The following DSCAML1 variants were observed in gnomAD, a reference collection of about 807,000 sequenced individuals.
The protein encoded by DSCAML1 is cell adhesion molecule DSCAML1.
DSCAML1 carries 38 observed loss-of-function variants against 200.5 expected under a neutral mutation model. That is an observed-to-expected ratio of 0.19 (90% confidence interval 0.15 to 0.25). The LOEUF (loss-of-function observed/expected upper bound fraction) is 0.25. Ranked by LOEUF, DSCAML1 falls within the 10% of genes least tolerant of loss-of-function variation. The pLI is 1.00. For missense variants in DSCAML1, 2,223 were observed against 2,858.8 expected (o/e 0.78, Z 5.07); for synonymous variants, 1,215 against 1,165.0 (o/e 1.04, Z -0.87).
intron 3 of DSCAML1, among the ~76,000 whole-genome samples, chr11:117,676,018 C>G (rs1015803073): frequency 6.6e-6 from 1 of 152,140 alleles, no homozygotes; most frequent in Admixed American, 6.5e-5. Context: ...ATAGCACTTT[C>G]GAGCTGCAGT....
intron 3 of DSCAML1, among the ~76,000 whole-genome samples, chr11:117,558,111 C>G (rs557287911): frequency 6.6e-6 from 1 of 152,034 alleles, no homozygotes; most frequent in East Asian, 1.9e-4. Flanking sequence ...CGGGGATGGG[C>G]GATGAGGTTT....
intron 3 of DSCAML1, among the ~76,000 whole-genome samples, chr11:117,562,386 A>C (rs116027918): frequency 7.9e-4 from 120 of 152,322 alleles, no homozygotes; most frequent in African/African-American, 2.8e-3. Flanking sequence ...TGCCAGCCCC[A>C]TGCAAGTGCC....
At chr11:117,634,934 T>C (rs1424616654) in intron 3 of DSCAML1, among the ~76,000 whole-genome samples, 3 of 152,162 alleles carry the variant, frequency 2.0e-5, no homozygotes, top group Non-Finnish European at 4.4e-5. Flanking sequence ...TCAGATCTTG[T>C]CTCTGGCGCA....
intron 3 of DSCAML1, among the ~76,000 whole-genome samples, chr11:117,746,208 C>A (rs139318589): frequency 2.9e-5 from 3 of 102,570 alleles, no homozygotes; most frequent in Admixed American, 3.3e-4. Context: ...GGCATCAGAG[C>A]GAGACTCTGT....
intron 4 of DSCAML1, among the ~76,000 whole-genome samples, chr11:117,526,987 C>G (rs1218860633): frequency 1.3e-5 from 2 of 152,084 alleles, no homozygotes; most frequent in African/African-American, 2.4e-5. Flanking sequence ...AGCAAACAAA[C>G]AAAACCATAC....
intron 3 of DSCAML1, among the ~76,000 whole-genome samples, chr11:117,600,330 A>G (rs921354745): frequency 1.3e-5 from 2 of 152,004 alleles, no homozygotes; most frequent in Admixed American, 1.3e-4. Flanking sequence ...AAGTGGTAAC[A>G]TCTTGCAGGC....
At position 117,518,787 on chromosome 11, in the gene DSCAML1, C is replaced by T; in HGVS notation, c.1214-25G>A. ...TCTGCAGGGAGCGAGAAGCCCCCTT[C>T]AGGGTCACCAAGCCATGGAGAGACG... is the stretch of plus-strand genomic sequence containing the variant. On this transcript the variant is annotated intron_variant, in intron 6 of 32. Transcript: ENST00000651296. This position sits in a 1 kb window ranked among gnomAD's most constrained non-coding sequence, Gnocchi z 6.3. 1 of 1,598,082 alleles carries T rather than the reference C, an allele frequency of 6.3e-7. No individual in the cohort carries two copies. The highest frequency in any genetic ancestry group is 1.7e-5 in the Admixed American group (1 of 58,970).
intron 3 of DSCAML1, among the ~76,000 whole-genome samples, chr11:117,768,931 C>G (rs867750719): frequency 6.6e-6 from 1 of 150,612 alleles, no homozygotes; most frequent in Non-Finnish European, 1.5e-5. Flanking sequence ...CAAAAATTAG[C>G]CAGGCGTGGT....
intron 3 of DSCAML1, among the ~76,000 whole-genome samples, chr11:117,567,365 C>T (rs2050776175): frequency 6.6e-6 from 1 of 152,060 alleles, no homozygotes; most frequent in Admixed American, 6.6e-5. Context: ...TTTTTGGCTG[C>T]ATAAATGTCT....
rs113408539 is a variant in DSCAML1 at position 117,780,217 on chromosome 11, G to A, written c.364+276C>T. 0.078 allele frequency among the ~76,000 whole-genome samples: 6,008 copies of A among 76,844 alleles called. 668 individuals are homozygous for A. The highest frequency in any genetic ancestry group is 0.15 in the African/African-American group (3,065 of 20,314). The allele number at this position is 76,844 out of a possible 152,430, so 50.4% of individuals were successfully genotyped here. A position where few individuals can be genotyped will look rare whatever the true frequency, so the allele number is the denominator to read the frequency against. On this transcript the variant is annotated intron_variant, in intron 2 of 32. Transcript: ENST00000651296. This position sits in a 1 kb window ranked among gnomAD's most constrained non-coding sequence, Gnocchi z 4.8. Reference sequence around the variant, plus strand: ...AAAGAAAGAGAAAGAAAGAGAGAGAGAGAAAGAAAGAAAGGAAAGAAAGAA... The same window carrying A: ...AAAGAAAGAGAAAGAAAGAGAGAGAAAGAAAGAAAGAAAGGAAAGAAAGAA...
At chr11:117,795,534 G>T (rs1166456433) in intron 1 of DSCAML1, among the ~76,000 whole-genome samples, 2 of 152,000 alleles carry the variant, frequency 1.3e-5, no homozygotes, top group Non-Finnish European at 2.9e-5. Flanking sequence ...GGGGCAAGGG[G>T]TTAAACAGCA....
At chr11:117,461,173 A>T (rs2048474817) in intron 18 of DSCAML1, among the ~76,000 whole-genome samples, 1 of 149,320 alleles carries the variant, frequency 6.7e-6, no homozygotes. Context: ...ACCCCTCACC[A>T]GAGATGCCAC....
intron 24 of DSCAML1, 128 bp downstream of exon 24, chr11:117,438,757 T>C (rs2047975723): frequency 1.2e-6 from 1 of 856,320 alleles, no homozygotes; most frequent in Non-Finnish European, 1.7e-6. Context: ...GACTTCCTTG[T>C]GGGTCACTTG....
chr11:117,817,364 C>T (rs539673395), intron 1 of DSCAML1: 1 of 152,848 alleles, frequency 6.5e-6, no homozygotes, highest in African/African-American at 2.4e-5. Context: ...GCTGCGTTCC[C>T]CTCACCCTCA....
intron 3 of DSCAML1, among the ~76,000 whole-genome samples, chr11:117,578,913 C>A (rs1488067195): frequency 6.6e-6 from 1 of 152,154 alleles, no homozygotes; most frequent in Non-Finnish European, 1.5e-5. Flanking sequence ...TTACCTCAGC[C>A]CTCCAGCCTA....
chr11:117,471,682 C>T (rs760544090), intron 15 of DSCAML1, among the ~76,000 whole-genome samples, 187 bp downstream of exon 15: 4 of 127,866 alleles, frequency 3.1e-5, no homozygotes, highest in South Asian at 3.1e-4. Context: ...TCTAGAACCC[C>T]GCTTGGAAAA....
At chr11:117,590,268 G>A (rs1010022955) in intron 3 of DSCAML1, among the ~76,000 whole-genome samples, 3 of 151,888 alleles carry the variant, frequency 2.0e-5, no homozygotes, top group East Asian at 1.9e-4. Context: ...GACTCACTGC[G>A]GCCTTGACTT....
In DSCAML1 at chr11:117,504,682, C is replaced by T. The variant is rs923427029; in HGVS notation, c.2182+242G>A. 3.4e-5 allele frequency among the ~76,000 whole-genome samples: 5 copies of T among 147,732 alleles called. No homozygotes were observed. The highest frequency in any genetic ancestry group is 6.0e-5 in the Non-Finnish European group (4 of 66,242). ...GGCGGAGATGGGAGAGGAGAGGTCG[C>T]GTCTGGGGGGACAAGAGGAAATACG... On this transcript the variant is annotated intron_variant, in intron 10 of 32. Coordinates refer to ENST00000651296, the MANE Select transcript of DSCAML1 (RefSeq NM_020693.4). The surrounding 1 kb of genome is among the most constrained non-coding windows in gnomAD (Gnocchi z 5.0).
chr11:117,614,058 G>A (rs772072780), intron 3 of DSCAML1, among the ~76,000 whole-genome samples: 6 of 152,134 alleles, frequency 3.9e-5, no homozygotes, highest in African/African-American at 1.4e-4. Context: ...GGAAAGGTGG[G>A]AGGAAAGGGG....
Sources: allele counts gnomAD v4.1 joint callset (sites outside exome capture counted in the v4.1 genomes callset), GRCh38; gene constraint gnomAD v4.1.1; non-coding constraint Gnocchi (gnomAD v3.1); transcripts MANE v1.5; gene names NCBI Gene and HGNC (gene_info 2026-07-23, HGNC 2026-07-21).